Variants in GRM8 observed in about 807,000 individuals in gnomAD.
GRM8 encodes metabotropic glutamate receptor 8.
In GRM8, 47 loss-of-function variants were observed where a neutral mutation model predicts 87.2. That is an observed-to-expected ratio of 0.54 (90% CI 0.43 to 0.69). The LOEUF is 0.69. Among genes scored for constraint, GRM8 ranks in the 30% least tolerant of loss-of-function variants. GRM8 has a pLI of 0.00. For missense variants in GRM8, 1,019 were observed against 1,139.2 expected (o/e 0.89, Z 1.52); for synonymous variants, 396 against 404.5 (o/e 0.98, Z 0.25).
At chr7:127,141,407 G>A (rs950527) in intron 2 of GRM8, among the ~76,000 whole-genome samples, 1,836 of 152,224 alleles carry the variant, frequency 0.012, 40 homozygotes, top group African/African-American at 0.042. Flanking sequence ...ACTTAAGCCA[G>A]AATATTGCTT....
chr7:127,151,983 G>A (rs1297788050), intron 2 of GRM8, among the ~76,000 whole-genome samples: 3 of 151,930 alleles, frequency 2.0e-5, no homozygotes, highest in Non-Finnish European at 4.4e-5. Context: ...AGTTACTTAC[G>A]ATTTCTCACT....
chr7:126,589,748 T>C (rs533339760), intron 8 of GRM8, among the ~76,000 whole-genome samples: 2 of 152,258 alleles, frequency 1.3e-5, no homozygotes, highest in East Asian at 3.9e-4. Context: ...CCACCTCCAC[T>C]GGAGCAGGTG....
intron 3 of GRM8, among the ~76,000 whole-genome samples, chr7:127,028,868 C>A (rs1817075058): frequency 6.6e-6 from 1 of 151,994 alleles, no homozygotes; most frequent in South Asian, 2.1e-4. Flanking sequence ...TATTTCTTGT[C>A]TTCTGCTAGC....
intron 2 of GRM8, among the ~76,000 whole-genome samples, chr7:127,221,215 G>C (rs1796909009): frequency 6.6e-6 from 1 of 152,214 alleles, no homozygotes; most frequent in African/African-American, 2.4e-5. Flanking sequence ...ATGTAAGGCA[G>C]AGAGGCTGAA....
At chr7:127,127,691 T>A (rs1827446595) in intron 2 of GRM8, among the ~76,000 whole-genome samples, 1 of 152,048 alleles carries the variant, frequency 6.6e-6, no homozygotes, top group Admixed American at 6.6e-5. Flanking sequence ...AAATGCTATA[T>A]CTTGATTGTG....
intron 3 of GRM8, among the ~76,000 whole-genome samples, chr7:126,930,273 T>G (rs192215518): frequency 6.6e-6 from 1 of 152,222 alleles, no homozygotes; most frequent in East Asian, 1.9e-4. Flanking sequence ...CTTATTTTAA[T>G]GGCAATAGTA....
chr7:126,797,643 G>A (rs1822112686), intron 6 of GRM8, among the ~76,000 whole-genome samples: 1 of 152,044 alleles, frequency 6.6e-6, no homozygotes, highest in African/African-American at 2.4e-5. Context: ...AAACCTTTTA[G>A]TCTATCAAGC....
chr7:126,508,698 C>T (rs1029625235), intron 9 of GRM8, among the ~76,000 whole-genome samples: 3 of 152,018 alleles, frequency 2.0e-5, no homozygotes, highest in African/African-American at 7.2e-5. Context: ...TTATAATTGT[C>T]AAGCACAGCC....
Position 127,243,031 on chromosome 7 carries a change from T to C in GRM8, c.174A>G (p.Gly58=). The stretch of plus-strand genomic sequence containing the variant: ...GCTCCCCACAAGGCACCCCTCTCTC[T>C]CCCTTTGCGTGGACAGGGAAGAGAC... ...LGGLFPVHAK[G]ERGVPCGELK... Residue 58 remains glycine (G), a synonymous_variant, in exon 2 of 11, where the codon GGA becomes GGG. Coordinates refer to ENST00000339582, the MANE Select transcript of GRM8 (RefSeq NM_000845.3). The C allele has an allele frequency of 2.5e-6, 4 of 1,613,886 alleles. No homozygotes were observed. The highest frequency in any genetic ancestry group is 3.4e-6 in the Non-Finnish European group (4 of 1,179,942).
At chr7:127,238,249 A>C (rs17866414) in intron 2 of GRM8, among the ~76,000 whole-genome samples, 3,813 of 152,102 alleles carry the variant, frequency 0.025, 65 homozygotes, top group South Asian at 0.072. Flanking sequence ...TATATGAGTG[A>C]AGCAATCACC....
chr7:127,133,287 G>A (rs577133467), intron 2 of GRM8, among the ~76,000 whole-genome samples: 97 of 151,558 alleles, frequency 6.4e-4, no homozygotes, highest in South Asian at 5.7e-3. Context: ...GCATGGTGGC[G>A]GGTGCCTGTA....
intron 6 of GRM8, among the ~76,000 whole-genome samples, chr7:126,830,127 C>A (rs1795217174): frequency 6.6e-6 from 1 of 152,136 alleles, no homozygotes; most frequent in Admixed American, 6.5e-5. Context: ...TCTCTGGCTG[C>A]CCTTAACATT....
At chr7:126,667,293 T>C (rs1170587096) in intron 7 of GRM8, among the ~76,000 whole-genome samples, 1 of 152,188 alleles carries the variant, frequency 6.6e-6, no homozygotes, top group Admixed American at 6.5e-5. Flanking sequence ...TGTCTTCAAG[T>C]TGAAACATTG....
At chr7:126,701,718 T>C (rs1010108506) in intron 7 of GRM8, 1 of 680,208 alleles carries the variant, frequency 1.5e-6, no homozygotes. Context: ...ACAAGAAGTA[T>C]AAAACTATTG....
intron 3 of GRM8, among the ~76,000 whole-genome samples, chr7:127,047,190 A>G (rs1158545577): frequency 1.3e-5 from 2 of 152,194 alleles, no homozygotes; most frequent in Non-Finnish European, 2.9e-5. Flanking sequence ...CATATTACCC[A>G]TGGCTGCTTT....
At chr7:126,789,943 C>T (rs1429426336) in intron 6 of GRM8, among the ~76,000 whole-genome samples, 1 of 151,984 alleles carries the variant, frequency 6.6e-6, no homozygotes, top group Non-Finnish European at 1.5e-5. Context: ...GCATGTTGTA[C>T]TATGAAATCC....
Position 126,849,312 on chromosome 7 carries a change from C to T in GRM8, c.1156+53230G>A, listed in dbSNP as rs941260727. Among the ~76,000 whole-genome samples, 8 of 152,268 alleles carry T rather than the reference C, an allele frequency of 5.3e-5. No homozygotes were observed. The East Asian group carries it at 1.5e-3, about 29-fold the overall frequency. On this transcript the variant is annotated intron_variant, in intron 6 of 10. Transcript: ENST00000339582. ...GGGAATACTTTACCCTAGCTCTACACTATACCTGAAAGCATGGGATTGAAT... is the reference window on the plus strand; with the variant it reads ...GGGAATACTTTACCCTAGCTCTACATTATACCTGAAAGCATGGGATTGAAT...
intron 2 of GRM8, among the ~76,000 whole-genome samples, chr7:127,161,791 T>C (rs1328737547): frequency 6.6e-6 from 1 of 152,090 alleles, no homozygotes; most frequent in Non-Finnish European, 1.5e-5. Flanking sequence ...TAAAAATATA[T>C]GTATAAAAAA....
chr7:127,244,477 G>GAAAAGAGAC (rs60493553), intron 1 of GRM8, among the ~76,000 whole-genome samples: 1 of 152,118 alleles, frequency 6.6e-6, no homozygotes, highest in Non-Finnish European at 1.5e-5. Context: ...TTGAAGAGAT[G>GAAAAGAGAC]TGACTGAAAA....
Sources: allele counts gnomAD v4.1 joint callset (sites outside exome capture counted in the v4.1 genomes callset), GRCh38; gene constraint gnomAD v4.1.1; transcripts MANE v1.5; gene names NCBI Gene and HGNC (gene_info 2026-07-23, HGNC 2026-07-21).